Variants in SPIRE2 observed in about 807,000 individuals in gnomAD.
SPIRE2 encodes protein spire homolog 2.
In SPIRE2, 76 loss-of-function variants were observed where a neutral mutation model predicts 80.7. The observed-to-expected ratio is 0.94, with a 90% CI of 0.78 to 1.14. The LOEUF is 1.14. SPIRE2 is among the 50% of genes most tolerant of loss of function. The pLI, the probability that SPIRE2 is intolerant of heterozygous loss-of-function variation, is 0.00. For synonymous variants in SPIRE2, 535 were observed against 432.6 expected (o/e 1.24, Z -2.94); for missense variants, 1,196 against 1,015.3 (o/e 1.18, Z -2.42).
chr16:89,844,539 C>T (rs113037263), intron 1 of SPIRE2, among the ~76,000 whole-genome samples: 8,194 of 151,564 alleles, frequency 0.054, 629 homozygotes, highest in African/African-American at 0.17. Context: ...CCTGGGTTCA[C>T]GCCATTCTCC....
intron 12 of SPIRE2, among the ~76,000 whole-genome samples, chr16:89,867,832 G>C (rs151067201): frequency 5.9e-5 from 9 of 152,052 alleles, no homozygotes; most frequent in African/African-American, 1.9e-4. Flanking sequence ...TGATCCACTT[G>C]CCTTGGCCTC....
Position 89,854,568 on chromosome 16 carries a change from C to G in SPIRE2, c.808C>G (p.Leu270Val), listed in dbSNP as rs1362959934. ...GGTGCAAGAGCAGGAGTTCAACCCC[C>G]TCCCCACCGAGTTCCAGCTCACGCC... ...KKVQEQEFNP[L>V]PTEFQLTPFE... The change falls in exon 5 of 15, where the codon CTC becomes GTC. Residue 270 changes from leucine (L) to valine (V), a missense_variant. Leu to Val is a conservative substitution (Grantham distance 32, BLOSUM62 1). Transcript: ENST00000378247. 1 of 1,612,498 alleles carries G rather than the reference C, an allele frequency of 6.2e-7. No homozygotes were observed. Among genetic ancestry groups the G allele is most frequent in the Non-Finnish European group, 8.5e-7 (1 of 1,179,840 alleles).
chr16:89,847,848 C>T (rs972587824), intron 2 of SPIRE2, among the ~76,000 whole-genome samples: 2 of 152,202 alleles, frequency 1.3e-5, no homozygotes, highest in Non-Finnish European at 1.5e-5. Context: ...CTTTTATGGA[C>T]GCAGCCTTCA....
At chr16:89,843,698 GTTTT>G (rs568062812) in intron 1 of SPIRE2, among the ~76,000 whole-genome samples, 6 of 18,204 alleles carry the variant, frequency 3.3e-4, no homozygotes, top group African/African-American at 1.2e-3. Flanking sequence ...TTTGTTTTTT[GTTTT>G]TTTTTTTTTT....
chr16:89,841,761 G>C (rs1449376864), intron 1 of SPIRE2, among the ~76,000 whole-genome samples: 1 of 151,234 alleles, frequency 6.6e-6, no homozygotes, highest in Non-Finnish European at 1.5e-5. Context: ...GCAGTGGCAC[G>C]ATCTCGGCTC....
At chr16:89,843,818 G>T (rs546811055) in intron 1 of SPIRE2, among the ~76,000 whole-genome samples, 1 of 130,922 alleles carries the variant, frequency 7.6e-6, no homozygotes, top group African/African-American at 2.9e-5. Flanking sequence ...TCCCACCTCA[G>T]TCTCCCGAGT....
intron 1 of SPIRE2, 150 bp from the exon 2 acceptor site, chr16:89,845,172 C>G (rs2041546126): frequency 1.4e-6 from 1 of 727,022 alleles, no homozygotes; most frequent in East Asian, 2.6e-5. Context: ...GTCCAAATGA[C>G]CAAGTGGCTG....
intron 1 of SPIRE2, among the ~76,000 whole-genome samples, chr16:89,842,508 C>T (rs1014247714): frequency 6.6e-6 from 1 of 152,140 alleles, no homozygotes; most frequent in Non-Finnish European, 1.5e-5. Flanking sequence ...CCACCGTGCC[C>T]GGCCGTGAAC....
At chr16:89,850,807 A>C (rs1175840241) in intron 3 of SPIRE2, 147 bp downstream of exon 3, 2 of 589,446 alleles carry the variant, frequency 3.4e-6, no homozygotes, top group East Asian at 6.5e-5. Flanking sequence ...ATTCCCACTT[A>C]ATCCTCACGC....
intron 2 of SPIRE2, chr16:89,846,105 G>C (rs887633193): frequency 1.2e-5 from 2 of 160,804 alleles, no homozygotes; most frequent in African/African-American, 2.4e-5. Context: ...CACCGTGTTA[G>C]CCAGGATGGT....
intron 4 of SPIRE2, 40 bp downstream of exon 4, chr16:89,854,406 C>G: frequency 6.2e-7 from 1 of 1,611,320 alleles, no homozygotes; most frequent in South Asian, 1.1e-5. Context: ...CTGACGCGGC[C>G]CAGCCTGCCA....
chr16:89,865,131 C>T (rs2041778256), intron 12 of SPIRE2, among the ~76,000 whole-genome samples: 1 of 151,770 alleles, frequency 6.6e-6, no homozygotes. Context: ...CTCAGCTTCC[C>T]GAGTAGCTGG....
intron 5 of SPIRE2, among the ~76,000 whole-genome samples, chr16:89,855,308 GC>G (rs978134262): frequency 2.0e-5 from 3 of 152,126 alleles, no homozygotes; most frequent in African/African-American, 7.2e-5. Context: ...TTCTTATGAT[GC>G]CCCTGTGAGG....
chr16:89,859,784 C>T (rs926047126), intron 9 of SPIRE2, among the ~76,000 whole-genome samples: 2 of 152,114 alleles, frequency 1.3e-5, no homozygotes, highest in African/African-American at 4.8e-5. Context: ...GAGCACAGAA[C>T]GATTCTTGCT....
chr16:89,845,465 C>T (rs1276517756), intron 2 of SPIRE2, 100 bp downstream of exon 2: 12 of 1,093,564 alleles, frequency 1.1e-5, no homozygotes, highest in Non-Finnish European at 2.8e-6. Flanking sequence ...ACAGTTGTTT[C>T]AGGGAGGCAG....
chr16:89,868,175 C>T lies in SPIRE2; in HGVS notation c.1779-14C>T, dbSNP rs1409312477. On this transcript the variant is annotated splice_polypyrimidine_tract_variant and intron_variant, in intron 12 of 14. Coordinates refer to ENST00000378247, the MANE Select transcript of SPIRE2 (RefSeq NM_032451.2). ...CCTCCCTGCTGATGCTGCATTTCCT[C>T]TGTTCCCTTCCAGAGCCGTCTGCAC... 1.2e-6 allele frequency: 2 copies of T among 1,613,994 alleles called. No homozygotes were observed. Among genetic ancestry groups the T allele is most frequent in the African/African-American group, 2.7e-5 (2 of 74,920 alleles).
rs908757928 is a variant in SPIRE2 at position 89,850,471 on chromosome 16, C to G, written c.456C>G (p.Pro152=). 6 of 1,544,766 alleles carry G rather than the reference C, an allele frequency of 3.9e-6. No individual in the cohort carries two copies. The African/African-American group carries it at 4.1e-5, about 10-fold the overall frequency. ...CCGCCGATGAGGGCTACGGGGGTCC[C>G]GAGGAGGAGGAGGAGGCCGAGGGCG... The part of the protein sequence containing the change: ...CGAADEGYGG[P]EEEEEAEGVP... The change falls in exon 3 of 15, where the codon CCC becomes CCG. Residue 152 remains proline (P), a synonymous_variant. Coordinates refer to ENST00000378247, the MANE Select transcript of SPIRE2 (RefSeq NM_032451.2).
chr16:89,828,559 G>C lies in SPIRE2; in HGVS notation c.9G>C (p.Arg3=). The C allele has an allele frequency of 8.8e-7, 1 of 1,133,326 alleles. No individual in the cohort carries two copies. The highest frequency in any genetic ancestry group is 1.1e-6 in the Non-Finnish European group (1 of 929,146). The allele number at this position is 1,133,326 out of a possible 1,614,324, so 70.2% of individuals were successfully genotyped here. Residue 3 remains arginine, a synonymous_variant, in exon 1 of 15, where the codon CGG becomes CGC. Coordinates refer to ENST00000378247, the MANE Select transcript of SPIRE2 (RefSeq NM_032451.2). This position sits in a 1 kb window ranked among gnomAD's most constrained non-coding sequence, Gnocchi z 5.9. The stretch of plus-strand genomic sequence containing the variant: ...GCGATGACGGCCCCGCCATGGCCCG[G>C]GCGGGCAGCTGCGGCGGCGCCGCGG... MA[R]AGSCGGAAAG...
Position 89,854,670 on chromosome 16 carries a change from GA to G in SPIRE2, c.891+20del, listed in dbSNP as rs35993459. The stretch of plus-strand genomic sequence containing the variant: ...GGTCATGGTGAGCGGGGCAGACGCA[GA>G]GGGGCAGCCTGGATGCAGAGGTCGT... On this transcript the variant is annotated intron_variant, in intron 5 of 14. Coordinates refer to ENST00000378247, the MANE Select transcript of SPIRE2 (RefSeq NM_032451.2). The G allele has an allele frequency of 9.8e-3, 15,760 of 1,605,450 alleles. 284 individuals are homozygous for G. The highest frequency in any genetic ancestry group is 0.061 in the South Asian group (5,521 of 90,606).
Sources: allele counts gnomAD v4.1 joint callset (sites outside exome capture counted in the v4.1 genomes callset), GRCh38; gene constraint gnomAD v4.1.1; non-coding constraint Gnocchi (gnomAD v3.1); transcripts MANE v1.5; gene names NCBI Gene and HGNC (gene_info 2026-07-23, HGNC 2026-07-21).